Variants in EBF1 observed in about 807,000 individuals in gnomAD.
EBF1 encodes transcription factor COE1.
Under a neutral mutation model 68.4 loss-of-function variants are expected in EBF1, and 10 were observed. The observed-to-expected ratio is 0.15, with a 90% confidence interval of 0.09 to 0.25. EBF1 has a LOEUF of 0.25. EBF1 is among the 10% of genes least tolerant of loss of function. The probability of loss-of-function intolerance (pLI) is 1.00; values close to 1 mark genes in which losing one functional copy is unlikely to be tolerated. For synonymous variants in EBF1, 298 were observed against 299.8 expected (o/e 0.99, Z 0.06); for missense variants, 509 against 794.4 (o/e 0.64, Z 4.32).
At chr5:158,850,772 C>A (rs368259424) in intron 6 of EBF1, among the ~76,000 whole-genome samples, 1 of 152,092 alleles carries the variant, frequency 6.6e-6, no homozygotes, top group Non-Finnish European at 1.5e-5. Context: ...TTTGGGAGGC[C>A]GAGGCGTGTG....
intron 6 of EBF1, among the ~76,000 whole-genome samples, chr5:158,909,954 T>C (rs1805549536): frequency 8.1e-5 from 1 of 12,412 alleles, no homozygotes. Flanking sequence ...AGACTCTGTC[T>C]ATAAAAAAAA....
At chr5:158,870,186 C>T (rs888229436) in intron 6 of EBF1, among the ~76,000 whole-genome samples, 1 of 152,142 alleles carries the variant, frequency 6.6e-6, no homozygotes, top group East Asian at 1.9e-4. Flanking sequence ...ATTAAAAATA[C>T]ACTGTTCATA....
At chr5:158,813,391 C>G (rs1044587825) in intron 8 of EBF1, among the ~76,000 whole-genome samples, 4 of 152,182 alleles carry the variant, frequency 2.6e-5, no homozygotes, top group African/African-American at 9.7e-5. Flanking sequence ...ACAACACCTT[C>G]CCAGCTGAAG....
At chr5:159,004,287 A>T (rs1359803385) in intron 6 of EBF1, among the ~76,000 whole-genome samples, 2 of 152,054 alleles carry the variant, frequency 1.3e-5, no homozygotes, top group Non-Finnish European at 2.9e-5. Context: ...CAAAAAAAAA[A>T]AAAAAAACTG....
At position 158,738,145 on chromosome 5, in the gene EBF1, A is replaced by C. The variant is rs575595652; in HGVS notation, c.1037-6988T>G. ...CATTTTCACAATACTGTTTTATAAA[A>C]ATATAGATTATATACAGGCTTATAC... is the stretch of plus-strand genomic sequence containing the variant. On this transcript the variant is annotated intron_variant, in intron 10 of 15. Coordinates refer to ENST00000313708, the MANE Select transcript of EBF1 (RefSeq NM_024007.5). Among the ~76,000 whole-genome samples, 186 of 152,302 alleles carry C rather than the reference A, an allele frequency of 1.2e-3. 1 individual carries two copies. The highest frequency in any genetic ancestry group is 6.8e-3 in the Middle Eastern group (2 of 294).
intron 6 of EBF1, among the ~76,000 whole-genome samples, chr5:159,028,518 C>T (rs897711336): frequency 3.9e-5 from 6 of 152,128 alleles, no homozygotes; most frequent in Admixed American, 1.3e-4. Context: ...ATAAGGTACC[C>T]GTTCACACAG....
At chr5:158,828,399 C>T (rs894751736) in intron 7 of EBF1, among the ~76,000 whole-genome samples, 2 of 152,062 alleles carry the variant, frequency 1.3e-5, no homozygotes, top group Non-Finnish European at 2.9e-5. Context: ...GTCTCTAATC[C>T]AATCCTCACA....
At chr5:158,733,285 C>T (rs147170640) in intron 10 of EBF1, among the ~76,000 whole-genome samples, 28 of 152,252 alleles carry the variant, frequency 1.8e-4, no homozygotes, top group Middle Eastern at 6.8e-3. Flanking sequence ...AAACATAATT[C>T]AGCATCCTGA....
chr5:158,698,300 C>A lies in EBF1; in HGVS notation c.*811G>T. 4.5e-6 allele frequency: 1 copy of A among 222,130 alleles called. No individual in the cohort carries two copies. The highest frequency in any genetic ancestry group is 9.0e-6 in the Non-Finnish European group (1 of 110,934). The allele number at this position is 222,130 out of a possible 1,614,324, so 13.8% of individuals were successfully genotyped here. A position where few individuals can be genotyped will look rare whatever the true frequency, so the allele number is the denominator to read the frequency against. ...CACCAAGCTCTCGAGAGGCCATCGG[C>A]TTCAGAAGAAACTGACTTAAGTAAA... On this transcript the variant is annotated 3_prime_UTR_variant, in exon 16 of 16. Transcript: ENST00000313708.
intron 6 of EBF1, among the ~76,000 whole-genome samples, chr5:158,935,442 G>A (rs1193970667): frequency 4.6e-5 from 7 of 152,210 alleles, no homozygotes; most frequent in Non-Finnish European, 8.8e-5. Flanking sequence ...TCCCAGATTA[G>A]CATAAGTGAA....
intron 6 of EBF1, among the ~76,000 whole-genome samples, chr5:158,896,673 A>T (rs1366235769): frequency 1.3e-5 from 2 of 152,166 alleles, no homozygotes; most frequent in Admixed American, 6.5e-5. Context: ...CACACATAGG[A>T]TAAAGTCACG....
rs950451834 is a variant in EBF1 at position 158,943,343 on chromosome 5, C to T, written c.555-103233G>A. ...AGTGTTTATTGGATACACACACACA[C>T]ACACACACACACACACATTCCGGAG... On this transcript the variant is annotated intron_variant, in intron 6 of 15. Transcript: ENST00000313708. Among the ~76,000 whole-genome samples the T allele has an allele frequency of 4.0e-4, 60 of 150,840 alleles. 1 individual carries two copies. The South Asian group carries it at 0.012, about 31-fold the overall frequency.
chr5:158,869,462 C>T (rs1204470650), intron 6 of EBF1, among the ~76,000 whole-genome samples: 1 of 152,100 alleles, frequency 6.6e-6, no homozygotes, highest in African/African-American at 2.4e-5. Context: ...GACCTTTTAA[C>T]ATCATTTCAT....
chr5:158,823,734 G>C (rs1785371834), intron 7 of EBF1, among the ~76,000 whole-genome samples: 2 of 152,170 alleles, frequency 1.3e-5, no homozygotes, highest in African/African-American at 2.4e-5. Context: ...CACTGTGTCA[G>C]GGTTAAGAGG....
rs1188419265 is a variant in EBF1 at position 158,696,907 on chromosome 5, TTTTC to T, written c.*2200_*2203del. 2.0e-5 allele frequency: 4 copies of T among 197,740 alleles called. No homozygotes were observed. The highest frequency in any genetic ancestry group is 1.9e-4 in the South Asian group (1 of 5,206). The allele number at this position is 197,740 out of a possible 1,614,324, so 12.2% of individuals were successfully genotyped here. On this transcript the variant is annotated 3_prime_UTR_variant, in exon 16 of 16. Coordinates refer to ENST00000313708, the MANE Select transcript of EBF1 (RefSeq NM_024007.5). ...CTTTTCGATTTCTTTGTTTTTTTTT[TTTTC>T]TTTTTTTCTTTTTCTTTTTTCTTAG...
At chr5:159,003,460 GA>G (rs11428979) in intron 6 of EBF1, among the ~76,000 whole-genome samples, 64,055 of 143,784 alleles carry the variant, frequency 0.45, 13,781 homozygotes, top group South Asian at 0.62. Context: ...ACAACTGCAG[GA>G]AAAAAAAAAA....
At chr5:159,020,972 T>G (rs1420865120) in intron 6 of EBF1, among the ~76,000 whole-genome samples, 1 of 152,272 alleles carries the variant, frequency 6.6e-6, no homozygotes, top group African/African-American at 2.4e-5. Flanking sequence ...TTATTTGCAA[T>G]GAACACCTTC....
At chr5:159,097,197 A>G in intron 1 of EBF1, 67 bp from the exon 2 acceptor site, 1 of 1,530,098 alleles carries the variant, frequency 6.5e-7, no homozygotes, top group Non-Finnish European at 8.8e-7. Flanking sequence ...GTCACCCTGT[A>G]CACACACTCG....
chr5:158,845,975 G>A (rs539146216), intron 6 of EBF1, among the ~76,000 whole-genome samples: 19 of 152,298 alleles, frequency 1.2e-4, no homozygotes, highest in East Asian at 3.9e-4. Flanking sequence ...GAAAAATCAC[G>A]TTTGGATTTT....
Sources: gnomAD v4.1 joint callset for allele counts (sites outside exome capture counted in the v4.1 genomes callset) on GRCh38, gnomAD v4.1.1 for gene constraint, MANE v1.5 for transcripts, NCBI Gene and HGNC (gene_info 2026-07-23, HGNC 2026-07-21) for gene names.